The following PATJ variants were observed in gnomAD, a reference collection of about 807,000 sequenced individuals.
PATJ encodes the protein inaD-like protein.
PATJ carries 190 observed loss-of-function variants against 224.9 expected under a neutral mutation model. The observed-to-expected ratio is 0.84, with a 90% confidence interval of 0.75 to 0.95. PATJ has a LOEUF of 0.95. Among genes scored for constraint, PATJ ranks in the 40% least tolerant of loss-of-function variants. The pLI, the probability that PATJ is intolerant of heterozygous loss-of-function variation, is 0.00. For missense variants in PATJ, 2,121 were observed against 2,270.3 expected (o/e 0.93, Z 1.34); for synonymous variants, 769 against 820.3 (o/e 0.94, Z 1.07).
At chr1:61,984,964 T>C (rs1056369957) in intron 27 of PATJ, among the ~76,000 whole-genome samples, 5 of 151,254 alleles carry the variant, frequency 3.3e-5, no homozygotes, top group Non-Finnish European at 7.4e-5. Flanking sequence ...TAGTAATTCA[T>C]TGAATAAGCA....
chr1:62,122,065 A>G (rs1401205276), intron 38 of PATJ, among the ~76,000 whole-genome samples: 1 of 151,966 alleles, frequency 6.6e-6, no homozygotes, highest in Non-Finnish European at 1.5e-5. Context: ...AAAATGTACA[A>G]TGAAACACAA....
chr1:62,067,890 T>A (rs1656745828), intron 31 of PATJ, among the ~76,000 whole-genome samples: 1 of 152,186 alleles, frequency 6.6e-6, no homozygotes, highest in South Asian at 2.1e-4. Flanking sequence ...AACTTCTGCC[T>A]CCCGGGCTCA....
chr1:61,927,531 T>C (rs183453040), intron 26 of PATJ, among the ~76,000 whole-genome samples, 199 bp from the exon 27 acceptor site: 4 of 152,348 alleles, frequency 2.6e-5, no homozygotes, highest in African/African-American at 7.2e-5. Context: ...TGCATTAGTG[T>C]GTTTATACCA....
intron 7 of PATJ, among the ~76,000 whole-genome samples, chr1:61,786,625 T>TG (rs1266521676): frequency 6.6e-6 from 1 of 152,118 alleles, no homozygotes; most frequent in Non-Finnish European, 1.5e-5. Flanking sequence ...GCTAAAAACT[T>TG]GGAGTTTTGA....
intron 30 of PATJ, among the ~76,000 whole-genome samples, chr1:62,048,285 A>T (rs1652906353): frequency 6.6e-6 from 1 of 152,056 alleles, no homozygotes; most frequent in Admixed American, 6.6e-5. Flanking sequence ...GGTGGCTCAC[A>T]CTGTAATCCC....
intron 27 of PATJ, among the ~76,000 whole-genome samples, chr1:61,971,983 T>C (rs951247320): frequency 2.0e-5 from 3 of 151,938 alleles, no homozygotes; most frequent in Non-Finnish European, 4.4e-5. Context: ...AGTGAGACCT[T>C]ATCTCAAAAT....
In PATJ at chr1:61,910,536, CTTTTTTTTTTTTTT is replaced by C. The variant is rs71050181; in HGVS notation, c.3492+2069_3492+2082del. 2.4e-4 allele frequency among the ~76,000 whole-genome samples: 10 copies of C among 42,242 alleles called. 1 individual carries two copies. The highest frequency in any genetic ancestry group is 2.6e-4 in the Non-Finnish European group (6 of 23,528). The allele number at this position is 42,242 out of a possible 152,430, so 27.7% of individuals were successfully genotyped here. The stretch of plus-strand genomic sequence containing the variant: ...ACTTTGTTTATAGGGCAAAGTGACT[CTTTTTTTTTTTTTT>C]TTTTTTTTTTTTTTGGAGACAGGGT... On this transcript the variant is annotated intron_variant, in intron 25 of 43. Coordinates refer to ENST00000642238, the MANE Select transcript of PATJ (RefSeq NM_001350145.3).
rs75418920 is a variant in PATJ at position 61,846,907 on chromosome 1, T to C, written c.2113-9123T>C. 3.1e-3 allele frequency among the ~76,000 whole-genome samples: 474 copies of C among 152,326 alleles called. 6 individuals are homozygous for C. The highest frequency in any genetic ancestry group is 0.01 in the African/African-American group (431 of 41,562). On this transcript the variant is annotated intron_variant, in intron 17 of 43. Coordinates refer to ENST00000642238, the MANE Select transcript of PATJ (RefSeq NM_001350145.3). ...AGCCACTGCACCCAGCTACAACTAA[T>C]GTAATTTTAGTGCTTGGGTACTACT...
At chr1:62,145,399 C>A (rs2476198) in intron 41 of PATJ, among the ~76,000 whole-genome samples, 55,573 of 152,070 alleles carry the variant, frequency 0.37, 10,998 homozygotes, top group Non-Finnish European at 0.46. Context: ...AGGTGGCTCA[C>A]GCCTGTAATC....
chr1:62,139,822 C>T (rs1570774295), intron 41 of PATJ, among the ~76,000 whole-genome samples: 1 of 151,318 alleles, frequency 6.6e-6, no homozygotes. Context: ...TCCAGTGTCA[C>T]GATCATGGCG....
chr1:62,113,560 T>C (rs924887330), intron 34 of PATJ, among the ~76,000 whole-genome samples: 1 of 152,088 alleles, frequency 6.6e-6, no homozygotes, highest in Non-Finnish European at 1.5e-5. Flanking sequence ...CACTTGAGTC[T>C]GGGAAGTCAA....
intron 17 of PATJ, among the ~76,000 whole-genome samples, chr1:61,836,945 T>G (rs1001269926): frequency 1.3e-5 from 2 of 152,320 alleles, no homozygotes; most frequent in East Asian, 1.9e-4. Flanking sequence ...GGGAGAGAAC[T>G]TTTACGTTGT....
chr1:61,789,246 C>T (rs1381758426), intron 8 of PATJ, among the ~76,000 whole-genome samples: 2 of 151,974 alleles, frequency 1.3e-5, no homozygotes, highest in African/African-American at 2.4e-5. Flanking sequence ...GCAGAGGTTG[C>T]AGTGAGCTGA....
At chr1:62,133,324 G>A (rs780913161) in intron 41 of PATJ, among the ~76,000 whole-genome samples, 17 of 152,226 alleles carry the variant, frequency 1.1e-4, no homozygotes, top group South Asian at 1.0e-3. Context: ...GCTCATACCT[G>A]TAATCCCAGC....
chr1:62,096,519 T>C lies in PATJ; in HGVS notation c.4377+11871T>C, dbSNP rs114014531. ...GGAAAAATAATCTAAAATATCCTTG[T>C]AGTATAATCTTTCTTGAAAGATTAT... is the stretch of plus-strand genomic sequence containing the variant. On this transcript the variant is annotated intron_variant, in intron 33 of 43. Coordinates refer to ENST00000642238, the MANE Select transcript of PATJ (RefSeq NM_001350145.3). Among the ~76,000 whole-genome samples the C allele has an allele frequency of 5.6e-3, 860 of 152,278 alleles. 9 individuals are homozygous for C. The highest frequency in any genetic ancestry group is 0.019 in the African/African-American group (808 of 41,554).
Position 62,064,014 on chromosome 1 carries a change from C to G in PATJ, c.4125+12956C>G, listed in dbSNP as rs559658050. On this transcript the variant is annotated intron_variant, in intron 31 of 43. Coordinates refer to ENST00000642238, the MANE Select transcript of PATJ (RefSeq NM_001350145.3). The stretch of plus-strand genomic sequence containing the variant: ...TATTTCTTTCTCTTGCCTGGTTGCT[C>G]TGGCTAGCACTTCCAGTACTATGTT... Among the ~76,000 whole-genome samples the G allele has an allele frequency of 1.7e-3, 253 of 152,254 alleles. 2 individuals carry two copies. The highest frequency in any genetic ancestry group is 5.8e-3 in the African/African-American group (241 of 41,540).
rs531428166 is a variant in PATJ, at chr1:62,055,545, G to C, written c.4125+4487G>C. Among the ~76,000 whole-genome samples the C allele has an allele frequency of 3.3e-5, 5 of 152,280 alleles. No individual in the cohort carries two copies. The South Asian group carries it at 1.0e-3, about 32-fold the overall frequency. On this transcript the variant is annotated intron_variant, in intron 31 of 43. Coordinates refer to ENST00000642238, the MANE Select transcript of PATJ (RefSeq NM_001350145.3). Reference sequence around the variant, plus strand: ...TAAAATGGGAGGAAAAATTAAATGAGTTGATAACAGTAAAGTACTACTTAA... The same window carrying C: ...TAAAATGGGAGGAAAAATTAAATGACTTGATAACAGTAAAGTACTACTTAA...
intron 30 of PATJ, chr1:62,039,114 G>T (rs1650991746): frequency 4.4e-6 from 3 of 680,756 alleles, no homozygotes; most frequent in Non-Finnish European, 5.6e-6. Flanking sequence ...CCTCTTGATG[G>T]CTCGTATCTG....
intron 24 of PATJ, among the ~76,000 whole-genome samples, chr1:61,908,078 T>A (rs918761504): frequency 1.3e-5 from 2 of 152,172 alleles, no homozygotes; most frequent in African/African-American, 4.8e-5. Context: ...GTGACAGACA[T>A]CTTAAGGTTC....
Sources: allele counts gnomAD v4.1 joint callset (sites outside exome capture counted in the v4.1 genomes callset), GRCh38; gene constraint gnomAD v4.1.1; transcripts MANE v1.5; gene names NCBI Gene and HGNC (gene_info 2026-07-23, HGNC 2026-07-21).